DOCK8: variants seen among roughly 807,000 people sequenced by gnomAD.
The protein encoded by DOCK8 is dedicator of cytokinesis 8, also known as dedicator of cytokinesis protein 8.
A neutral mutation model predicts 245.6 loss-of-function variants in DOCK8; 141 were observed. The observed-to-expected ratio is 0.57, with a 90% CI of 0.50 to 0.66. The LOEUF is 0.66. Among genes scored for constraint, DOCK8 ranks in the 30% least tolerant of loss-of-function variants. The probability of loss-of-function intolerance (pLI) is 0.00; values close to 1 mark genes in which losing one functional copy is unlikely to be tolerated. For missense variants in DOCK8, 2,965 were observed against 2,603.4 expected (o/e 1.14, Z -3.02); for synonymous variants, 1,168 against 970.2 (o/e 1.20, Z -3.79).
intron 1 of DOCK8, among the ~76,000 whole-genome samples, chr9:234,103 A>G (rs1233826751): frequency 6.6e-6 from 1 of 152,076 alleles, no homozygotes; most frequent in Non-Finnish European, 1.5e-5. Context: ...TGGTGACAAA[A>G]TCTCTCAGCA....
intron 14 of DOCK8, among the ~76,000 whole-genome samples, chr9:347,909 C>G (rs1444777853): frequency 1.3e-5 from 2 of 152,202 alleles, no homozygotes; most frequent in East Asian, 1.9e-4. Flanking sequence ...CACTCACTTT[C>G]TAGATTCAGA....
At chr9:430,588 A>C (rs2056671772) in intron 36 of DOCK8, among the ~76,000 whole-genome samples, 1 of 151,880 alleles carries the variant, frequency 6.6e-6, no homozygotes, top group South Asian at 2.1e-4. Context: ...AGGCTGAGGC[A>C]CGAGAATCGC....
At chr9:323,113 GC>G (rs1186944963) in intron 7 of DOCK8, among the ~76,000 whole-genome samples, 2 of 142,858 alleles carry the variant, frequency 1.4e-5, no homozygotes, top group Non-Finnish European at 1.5e-5. Context: ...AAAAAAGAAA[GC>G]CCCCAATTAA....
At position 253,938 on chromosome 9, in the gene DOCK8, T is replaced by A. The variant is rs141334368; in HGVS notation, c.54-17689T>A. On this transcript the variant is annotated intron_variant, in intron 1 of 47. Transcript: ENST00000432829. ...AGTGAGGCCAAGATTTTGAGATGTG[T>A]TCAAATGCAAGAAGCTTTTAAAATG... 5.8e-3 allele frequency among the ~76,000 whole-genome samples: 883 copies of A among 152,328 alleles called. 5 individuals are homozygous for A. Among genetic ancestry groups the A allele is most frequent in the African/African-American group, 0.02 (821 of 41,582 alleles).
chr9:341,593 G>A (rs1436566205), intron 14 of DOCK8, among the ~76,000 whole-genome samples: 1 of 152,154 alleles, frequency 6.6e-6, no homozygotes, highest in Non-Finnish European at 1.5e-5. Flanking sequence ...ATGAAATTAT[G>A]TATTTCCTAT....
chr9:404,880 A>C (rs768153448), intron 26 of DOCK8, 38 bp from the exon 27 acceptor site: 48 of 1,612,390 alleles, frequency 3.0e-5, no homozygotes, highest in Non-Finnish European at 3.9e-5. Context: ...CTTACCTTGT[A>C]ATAAATGTTT....
intron 39 of DOCK8, among the ~76,000 whole-genome samples, 176 bp from the exon 40 acceptor site, chr9:439,069 C>T (rs1026009909): frequency 6.6e-6 from 1 of 152,120 alleles, no homozygotes; most frequent in Non-Finnish European, 1.5e-5. Flanking sequence ...GCTCAGTGCG[C>T]CTCTTCTAAA....
chr9:234,080 A>T (rs1587631459), intron 1 of DOCK8, among the ~76,000 whole-genome samples: 2 of 152,208 alleles, frequency 1.3e-5, no homozygotes, highest in East Asian at 3.9e-4. Flanking sequence ...GAGCTCTTGT[A>T]GGGCAGGCCT....
At position 386,355 on chromosome 9, in the gene DOCK8, A is replaced by G. The variant is rs779055389; in HGVS notation, c.2803A>G (p.Met935Val). The G allele has an allele frequency of 1.2e-6, 2 of 1,613,942 alleles. No homozygotes were observed. The highest frequency in any genetic ancestry group is 1.7e-6 in the Non-Finnish European group (2 of 1,179,860). ...SKIADRNCSR[M>V]SYYCSGSSDA... is the part of the protein sequence containing the mutation. ...GATCGCCGATCGCAACTGCAGCCGA[A>G]TGTCTTACTATTGCTCTGGCAGTAG... The change falls in exon 23 of 48, where the codon ATG becomes GTG. Residue 935 changes from methionine (M) to valine (V), a missense_variant. By Grantham distance (21) the Met-to-Val change is conservative (BLOSUM62 1). Transcript: ENST00000432829.
chr9:426,824 C>T, intron 33 of DOCK8, 61 bp from the exon 34 acceptor site: 2 of 1,347,800 alleles, frequency 1.5e-6, no homozygotes, highest in Non-Finnish European at 2.1e-6. Context: ...TATAGATTGC[C>T]ATCATGGGAA....
At chr9:429,952 C>A (rs183559456) in intron 36 of DOCK8, 98 bp downstream of exon 36, 1 of 1,413,038 alleles carries the variant, frequency 7.1e-7, no homozygotes, top group Admixed American at 2.0e-5. Context: ...TGCAGTATTG[C>A]AGTTTACTTC....
rs768864333 is a variant in DOCK8, at chr9:340,144, A to T, written c.1517-15A>T. 1 of 1,613,256 alleles carries T rather than the reference A, an allele frequency of 6.2e-7. No homozygotes were observed. Among genetic ancestry groups the T allele is most frequent in the African/African-American group, 1.3e-5 (1 of 74,818 alleles). ...ACAGTTTCTTTACTAGAACATTCCT[A>T]TTTTCTCTCTTTAGGCTTGCTAAGA... On this transcript the variant is annotated splice_polypyrimidine_tract_variant and intron_variant, in intron 13 of 47. Coordinates refer to ENST00000432829, the MANE Select transcript of DOCK8 (RefSeq NM_203447.4).
chr9:244,082 G>A (rs962123447), intron 1 of DOCK8, among the ~76,000 whole-genome samples: 1 of 151,628 alleles, frequency 6.6e-6, no homozygotes, highest in African/African-American at 2.4e-5. Flanking sequence ...CAGCTACTCT[G>A]GAGGCTGAGG....
At chr9:270,231 G>A (rs1381774526) in intron 1 of DOCK8, among the ~76,000 whole-genome samples, 2 of 152,214 alleles carry the variant, frequency 1.3e-5, no homozygotes, top group Non-Finnish European at 2.9e-5. Context: ...TATGCTTGCA[G>A]CTACAGCTTC....
At chr9:235,618 C>T (rs1179826374) in intron 1 of DOCK8, among the ~76,000 whole-genome samples, 2 of 152,204 alleles carry the variant, frequency 1.3e-5, no homozygotes, top group African/African-American at 2.4e-5. Context: ...CACCCCTCCC[C>T]AAGCCTCGCT....
chr9:368,384 G>A (rs2053114734), intron 15 of DOCK8: 1 of 686,556 alleles, frequency 1.5e-6, no homozygotes. Context: ...ATTAAAAAAA[G>A]TCATAAAGTC....
intron 26 of DOCK8, among the ~76,000 whole-genome samples, chr9:401,633 T>C (rs1271498063): frequency 6.6e-6 from 1 of 152,030 alleles, no homozygotes; most frequent in African/African-American, 2.4e-5. Context: ...TGACTGGGCA[T>C]GGTAAAATTT....
intron 12 of DOCK8, among the ~76,000 whole-genome samples, chr9:337,723 G>A (rs1002658077): frequency 1.3e-5 from 2 of 152,198 alleles, no homozygotes; most frequent in Non-Finnish European, 2.9e-5. Context: ...CGGTTGCCAG[G>A]GTCTAGGGAT....
intron 36 of DOCK8, among the ~76,000 whole-genome samples, 182 bp from the exon 37 acceptor site, chr9:431,984 T>G (rs1368472593): frequency 1.3e-5 from 2 of 152,154 alleles, no homozygotes; most frequent in Non-Finnish European, 2.9e-5. Flanking sequence ...TTAAACCATT[T>G]AAACAACAAT....
Sources: allele counts gnomAD v4.1 joint callset (sites outside exome capture counted in the v4.1 genomes callset), GRCh38; gene constraint gnomAD v4.1.1; transcripts MANE v1.5; gene names NCBI Gene and HGNC (gene_info 2026-07-23, HGNC 2026-07-21).